Variants in BMP7 observed in about 807,000 individuals in gnomAD.
BMP7 encodes the protein bone morphogenetic protein 7.
BMP7 carries 12 observed loss-of-function variants against 41.2 expected under a neutral mutation model. The ratio of observed to expected loss-of-function variants is 0.29; its 90% CI spans 0.19 to 0.47. The LOEUF (loss-of-function observed/expected upper bound fraction) is 0.47, where lower values mean the gene tolerates loss of function less well. Ranked by LOEUF, BMP7 falls within the 20% of genes least tolerant of loss-of-function variation. The probability of loss-of-function intolerance (pLI) is 0.99; values close to 1 mark genes in which losing one functional copy is unlikely to be tolerated. For missense variants in BMP7, 467 were observed against 606.0 expected (o/e 0.77, Z 2.41); for synonymous variants, 248 against 250.0 (o/e 0.99, Z 0.07).
intron 3 of BMP7, among the ~76,000 whole-genome samples, chr20:57,200,366 A>G (rs1984592567): frequency 6.6e-6 from 1 of 152,190 alleles, no homozygotes; most frequent in Non-Finnish European, 1.5e-5. Context: ...ATCAGGCAGC[A>G]CTGCCTCCAC....
In BMP7 at chr20:57,259,837, CAGTTTG is replaced by C. The variant is rs2066147092; in HGVS notation, c.418+5862_418+5867del. On this transcript the variant is annotated intron_variant, in intron 1 of 6. Transcript: ENST00000395863. The surrounding 1 kb of genome is among the most constrained non-coding windows in gnomAD (Gnocchi z 4.7). ...CTAGTATTCCCTGGCATTGCTATTTCAGTTTGAGTTTGAGCAATTTTTTTTTTGCCG... is the reference window on the plus strand; with the variant it reads ...CTAGTATTCCCTGGCATTGCTATTTCAGTTTGAGCAATTTTTTTTTTGCCG... Among the ~76,000 whole-genome samples, 1 of 152,098 alleles carries C rather than the reference CAGTTTG, an allele frequency of 6.6e-6. No individual in the cohort carries two copies. The highest frequency in any genetic ancestry group is 2.1e-4 in the South Asian group (1 of 4,828).
chr20:57,197,819 G>T (rs1984529447), intron 3 of BMP7, among the ~76,000 whole-genome samples: 1 of 152,228 alleles, frequency 6.6e-6, no homozygotes, highest in South Asian at 2.1e-4. Context: ...AAGACCCCAA[G>T]AAGTTGGAGT....
intron 2 of BMP7, among the ~76,000 whole-genome samples, chr20:57,218,592 G>T (rs1024989550): frequency 6.6e-6 from 1 of 151,850 alleles, no homozygotes; most frequent in Admixed American, 6.6e-5. Context: ...GCTGGTGTTT[G>T]GTGGTAGCTG....
chr20:57,228,519 G>A lies in BMP7; in HGVS notation c.419-98C>T. 1.4e-6 allele frequency: 2 copies of A among 1,437,722 alleles called. No individual in the cohort carries two copies. The highest frequency in any genetic ancestry group is 1.2e-5 in the South Asian group (1 of 86,674). The allele number at this position is 1,437,722 out of a possible 1,614,324, so 89.1% of individuals were successfully genotyped here. On this transcript the variant is annotated intron_variant, in intron 1 of 6. Transcript: ENST00000395863. The surrounding 1 kb of genome is among the most constrained non-coding windows in gnomAD (Gnocchi z 4.5). ...TCCAAGCATCTTGCCTAAGCTAGAT[G>A]GAGGCATGCCCATTGCCAGTGACCC...
intron 3 of BMP7, among the ~76,000 whole-genome samples, chr20:57,195,133 C>T (rs1984462583): frequency 6.6e-6 from 1 of 152,128 alleles, no homozygotes; most frequent in South Asian, 2.1e-4. Flanking sequence ...ATGGCCAGCC[C>T]GAGGAACCCA....
chr20:57,240,596 A>T (rs2066064862), intron 1 of BMP7, among the ~76,000 whole-genome samples: 1 of 151,518 alleles, frequency 6.6e-6, no homozygotes, highest in Non-Finnish European at 1.5e-5. Context: ...GTCCATTTTC[A>T]TGCTGCTGAA....
At chr20:57,265,063 A>AAAAG (rs2066170362) in intron 1 of BMP7, among the ~76,000 whole-genome samples, 1 of 145,472 alleles carries the variant, frequency 6.9e-6, no homozygotes, top group Non-Finnish European at 1.5e-5. Flanking sequence ...AAAAGAAAAA[A>AAAAG]AAAGAAAAAA....
rs57200143 is a variant in BMP7, at chr20:57,202,295, T to C, written c.760+180A>G. ...TTCTGCTATGACCAAACATGTAATC[T>C]TCTTGTGAAAAGAGGGGAAGGGGCT... On this transcript the variant is annotated intron_variant, in intron 3 of 6. Transcript: ENST00000395863. Among the ~76,000 whole-genome samples, 2,227 of 152,260 alleles carry C rather than the reference T, an allele frequency of 0.015. 62 individuals carry two copies. Among genetic ancestry groups the C allele is most frequent in the African/African-American group, 0.051 (2,128 of 41,534 alleles).
chr20:57,263,031 C>G (rs1403734245), intron 1 of BMP7, among the ~76,000 whole-genome samples: 4 of 152,214 alleles, frequency 2.6e-5, no homozygotes, highest in African/African-American at 9.6e-5. Flanking sequence ...TATTTGTGTG[C>G]TGCTGCTTAG....
chr20:57,262,107 A>G (rs1198994824), intron 1 of BMP7, among the ~76,000 whole-genome samples: 2 of 151,876 alleles, frequency 1.3e-5, no homozygotes, highest in Non-Finnish European at 2.9e-5. Context: ...GATGACTTCC[A>G]CTCCCCTAGT....
At chr20:57,199,467 C>T (rs1220077112) in intron 3 of BMP7, among the ~76,000 whole-genome samples, 2 of 152,186 alleles carry the variant, frequency 1.3e-5, no homozygotes, top group African/African-American at 4.8e-5. Context: ...TTATGATTTG[C>T]CCACGGAAAC....
chr20:57,248,457 G>A (rs2066098600), intron 1 of BMP7, among the ~76,000 whole-genome samples: 1 of 152,178 alleles, frequency 6.6e-6, no homozygotes, highest in Non-Finnish European at 1.5e-5. Flanking sequence ...GAACTTCTAG[G>A]AAACCAAGAG....
chr20:57,212,745 C>A lies in BMP7; in HGVS notation c.612-10122G>T, dbSNP rs556857902. Among the ~76,000 whole-genome samples, 288 of 152,280 alleles carry A rather than the reference C, an allele frequency of 1.9e-3. 1 individual carries two copies. The highest frequency in any genetic ancestry group is 3.2e-3 in the Non-Finnish European group (219 of 68,014). On this transcript the variant is annotated intron_variant, in intron 2 of 6. Transcript: ENST00000395863. ...GCACCTGGAGTCAGCCCAGCAGCAA[C>A]CCCAGCCTGCAGGGAAGCCCGGGAA... is the stretch of plus-strand genomic sequence containing the variant.
chr20:57,180,425 G>A (rs1984052366), intron 4 of BMP7, among the ~76,000 whole-genome samples: 2 of 152,070 alleles, frequency 1.3e-5, no homozygotes, highest in African/African-American at 2.4e-5. Flanking sequence ...TGGCCTCGTG[G>A]GCACCCACTG....
At position 57,173,710 on chromosome 20, in the gene BMP7, T is replaced by C. The variant is rs1220311286; in HGVS notation, c.1036-400A>G. 6 of 306,602 alleles carry C rather than the reference T, an allele frequency of 2.0e-5. No homozygotes were observed. In the East Asian group the frequency reaches 4.9e-4, roughly 25 times the overall value. The allele number at this position is 306,602 out of a possible 1,614,324, so 19.0% of individuals were successfully genotyped here. ...TGATCCTAAAATGGACATCCATGGC[T>C]GTGTCTTCTGGACAGAACGCGGCAC... On this transcript the variant is annotated intron_variant, in intron 5 of 6. Transcript: ENST00000395863.
chr20:57,204,412 T>C (rs1984688947), intron 2 of BMP7, among the ~76,000 whole-genome samples: 1 of 152,200 alleles, frequency 6.6e-6, no homozygotes, highest in Non-Finnish European at 1.5e-5. Flanking sequence ...CACATCAATG[T>C]GAACAAGGCT....
intron 3 of BMP7, among the ~76,000 whole-genome samples, chr20:57,193,017 G>A (rs1185251735): frequency 6.6e-6 from 1 of 152,188 alleles, no homozygotes; most frequent in African/African-American, 2.4e-5. Context: ...TGACAGGCAG[G>A]TAGAGGGGCC....
intron 1 of BMP7, among the ~76,000 whole-genome samples, chr20:57,255,935 C>T (rs571885345): frequency 7.6e-4 from 115 of 152,152 alleles, no homozygotes; most frequent in Non-Finnish European, 1.1e-3. Flanking sequence ...CGGGGAAACA[C>T]CAGCAGTCAC....
chr20:57,185,460 T>TCCAG (rs1486356990), intron 3 of BMP7, among the ~76,000 whole-genome samples: 2 of 152,224 alleles, frequency 1.3e-5, no homozygotes, highest in Admixed American at 1.3e-4. Flanking sequence ...GGCATGCTCT[T>TCCAG]GGCCCAAGCC....
Sources: gnomAD v4.1 joint callset for allele counts (sites outside exome capture counted in the v4.1 genomes callset) on GRCh38, gnomAD v4.1.1 for gene constraint, Gnocchi (gnomAD v3.1) non-coding constraint, MANE v1.5 for transcripts, NCBI Gene and HGNC (gene_info 2026-07-23, HGNC 2026-07-21) for gene names.